NTM: variants seen among roughly 807,000 people sequenced by gnomAD.
NTM encodes the protein IgLON family member 2.
Under a neutral mutation model 42.1 loss-of-function variants are expected in NTM, and 13 were observed. That is an observed-to-expected ratio of 0.31 (90% CI 0.20 to 0.49). The LOEUF (loss-of-function observed/expected upper bound fraction) is 0.49, where lower values mean the gene tolerates loss of function less well. Among genes scored for constraint, NTM ranks in the 20% least tolerant of loss-of-function variants. The pLI, the probability that NTM is intolerant of heterozygous loss-of-function variation, is 0.99. For synonymous variants in NTM, 187 were observed against 179.2 expected, an observed-to-expected ratio of 1.04 and a Z score of -0.35; for missense variants, 373 against 452.8, an observed-to-expected ratio of 0.82 and a Z score of 1.60.
At chr11:131,552,707 A>G (rs1241683025) in intron 1 of NTM, among the ~76,000 whole-genome samples, 3 of 151,206 alleles carry the variant, frequency 2.0e-5, no homozygotes, top group Non-Finnish European at 4.4e-5. Flanking sequence ...AGTCCCAGCA[A>G]CATAGGAGGC....
intron 1 of NTM, among the ~76,000 whole-genome samples, chr11:131,479,637 GT>G (rs1189903544): frequency 6.6e-6 from 1 of 152,200 alleles, no homozygotes; most frequent in African/African-American, 2.4e-5. Flanking sequence ...GAAAAGAATG[GT>G]TCTGGAAATC....
intron 1 of NTM, among the ~76,000 whole-genome samples, chr11:131,517,057 C>A (rs2048982655): frequency 6.6e-6 from 1 of 152,146 alleles, no homozygotes; most frequent in African/African-American, 2.4e-5. Flanking sequence ...GAATAAACAG[C>A]CTGACTGGGA....
intron 1 of NTM, among the ~76,000 whole-genome samples, chr11:131,819,663 G>A (rs2093098372): frequency 1.3e-5 from 2 of 152,146 alleles, no homozygotes; most frequent in Admixed American, 6.5e-5. Flanking sequence ...GCCCATGAAA[G>A]CCTGCAGCTT....
At chr11:132,215,838 C>G (rs1434382054) in intron 4 of NTM, among the ~76,000 whole-genome samples, 1 of 152,224 alleles carries the variant, frequency 6.6e-6, no homozygotes, top group Non-Finnish European at 1.5e-5. Flanking sequence ...AGACCTTGGT[C>G]TTTTCAGGAG....
intron 2 of NTM, among the ~76,000 whole-genome samples, chr11:132,018,481 G>C (rs1374635276): frequency 6.6e-6 from 1 of 151,822 alleles, no homozygotes; most frequent in African/African-American, 2.4e-5. Context: ...TTTGTCTTTT[G>C]AGATGATCAT....
intron 1 of NTM, among the ~76,000 whole-genome samples, chr11:131,745,571 A>G (rs1193284853): frequency 6.6e-6 from 1 of 152,200 alleles, no homozygotes; most frequent in Non-Finnish European, 1.5e-5. Flanking sequence ...GGTCAGTGAC[A>G]CATATTGAAA....
At position 131,500,186 on chromosome 11, in the gene NTM, G is replaced by A. The variant is rs564383649; in HGVS notation, c.82+129298G>A. On this transcript the variant is annotated intron_variant, in intron 1 of 8. Coordinates refer to ENST00000683400, the MANE Select transcript of NTM (RefSeq NM_001352005.2). ...TCTCTCTCATTTTTTCAGAGGAGGC[G>A]GGAGAGAGGATAAGCACCCTCCAGC... Among the ~76,000 whole-genome samples, 13 of 152,280 alleles carry A rather than the reference G, an allele frequency of 8.5e-5. No homozygotes were observed. The East Asian group carries it at 1.2e-3, about 14-fold the overall frequency.
rs140055406 is a variant in NTM, at chr11:132,226,537, G to A, written c.526+14390G>A. ...TGAGAAGTGTCTGTTCATATCCTTCGCCCACTTTTTGATGGGGTTGTTTTT... is the reference window on the plus strand; with the variant it reads ...TGAGAAGTGTCTGTTCATATCCTTCACCCACTTTTTGATGGGGTTGTTTTT... On this transcript the variant is annotated intron_variant, in intron 4 of 8. Transcript: ENST00000683400. Among the ~76,000 whole-genome samples the A allele has an allele frequency of 5.2e-3, 795 of 152,072 alleles. 9 individuals carry two copies. Among genetic ancestry groups the A allele is most frequent in the African/African-American group, 0.019 (771 of 41,486 alleles).
chr11:132,255,076 G>A (rs2092365561), intron 4 of NTM, among the ~76,000 whole-genome samples: 1 of 152,256 alleles, frequency 6.6e-6, no homozygotes, highest in Admixed American at 6.5e-5. Flanking sequence ...ATGCGGAGTT[G>A]AGGTTTCTAT....
intron 1 of NTM, among the ~76,000 whole-genome samples, chr11:131,502,112 G>A (rs569009671): frequency 1.2e-4 from 18 of 152,140 alleles, no homozygotes; most frequent in East Asian, 7.7e-4. Context: ...GAGACAGGGC[G>A]TGCTGCTGAG....
intron 1 of NTM, among the ~76,000 whole-genome samples, chr11:131,853,984 A>G (rs2045857067): frequency 6.6e-6 from 1 of 152,254 alleles, no homozygotes; most frequent in Non-Finnish European, 1.5e-5. Flanking sequence ...CTAGAAAGCT[A>G]GTAATACAGA....
intron 4 of NTM, among the ~76,000 whole-genome samples, chr11:132,296,930 A>G (rs1024614651): frequency 3.3e-5 from 5 of 152,210 alleles, no homozygotes; most frequent in African/African-American, 1.2e-4. Flanking sequence ...TGCAGAATAG[A>G]TTTTGAGAAA....
intron 1 of NTM, among the ~76,000 whole-genome samples, chr11:131,808,972 A>G (rs1592004308): frequency 6.6e-6 from 1 of 152,206 alleles, no homozygotes; most frequent in South Asian, 2.1e-4. Context: ...ACACCTACCT[A>G]GCAATGCTAA....
chr11:131,693,287 G>GA (rs1022998044), intron 1 of NTM, among the ~76,000 whole-genome samples: 7 of 152,064 alleles, frequency 4.6e-5, no homozygotes, highest in African/African-American at 1.2e-4. Context: ...GAGGGATGAG[G>GA]AAAAAAATCT....
intron 3 of NTM, among the ~76,000 whole-genome samples, chr11:132,206,070 C>T (rs2081951285): frequency 6.6e-6 from 1 of 152,182 alleles, no homozygotes; most frequent in Non-Finnish European, 1.5e-5. Flanking sequence ...TCCAATCCAT[C>T]CCTTGCTTTT....
chr11:132,022,937 A>G (rs2074566750), intron 2 of NTM, among the ~76,000 whole-genome samples: 1 of 152,162 alleles, frequency 6.6e-6, no homozygotes, highest in African/African-American at 2.4e-5. Context: ...CTTCCTATTA[A>G]TGTGATAAAT....
intron 1 of NTM, among the ~76,000 whole-genome samples, chr11:131,473,901 G>T (rs767131818): frequency 1.3e-5 from 2 of 151,990 alleles, no homozygotes; most frequent in Non-Finnish European, 2.9e-5. Flanking sequence ...ACCTTTTCTT[G>T]ATCTACTTTT....
rs534897526 is a variant in NTM, at chr11:132,104,937, GTATATATATATATATATATATATATATA to G, written c.168-41317_168-41290del. ...TCTCTCTCTCTCCATATATACATAT[GTATATATATATATATATATATATATATA>G]TATATATATATATATATATATATAT... On this transcript the variant is annotated intron_variant, in intron 2 of 8. Transcript: ENST00000683400. Among the ~76,000 whole-genome samples the G allele has an allele frequency of 4.9e-3, 303 of 61,828 alleles. 6 individuals are homozygous for G. Among genetic ancestry groups the G allele is most frequent in the African/African-American group, 0.01 (172 of 16,550 alleles). 40.6% of individuals were successfully genotyped at this position (61,828 alleles called of 152,430 possible).
chr11:131,621,626 C>A (rs1342740768), intron 1 of NTM, among the ~76,000 whole-genome samples: 3 of 112,852 alleles, frequency 2.7e-5, no homozygotes, highest in African/African-American at 4.1e-5. Flanking sequence ...ATAGTAACAC[C>A]CTATCTTTAC....
Sources: gnomAD v4.1 joint callset for allele counts (sites outside exome capture counted in the v4.1 genomes callset) on GRCh38, gnomAD v4.1.1 for gene constraint, MANE v1.5 for transcripts, NCBI Gene and HGNC (gene_info 2026-07-23, HGNC 2026-07-21) for gene names.